Variants in CEP63 observed in about 807,000 individuals in gnomAD.
The protein encoded by CEP63 is centrosomal protein of 63 kDa.
A neutral mutation model predicts 89.1 loss-of-function variants in CEP63; 84 were observed. The ratio of observed to expected loss-of-function variants is 0.94; its 90% CI spans 0.79 to 1.13. CEP63 has a LOEUF of 1.13. Among genes scored for constraint, CEP63 ranks in the 50% most tolerant of loss-of-function variants. CEP63 has a pLI of 0.00. For synonymous variants in CEP63, 267 were observed against 272.5 expected (o/e 0.98, Z 0.20); for missense variants, 838 against 813.3 (o/e 1.03, Z -0.37).
the CEP63 span, among the ~76,000 whole-genome samples, chr3:134,614,683 G>C: frequency 1.3e-5 from 2 of 152,168 alleles, no homozygotes; most frequent in Non-Finnish European, 2.9e-5. Flanking sequence ...AAAAAGATCT[G>C]TGTGTTCCAG....
intron 5 of CEP63, among the ~76,000 whole-genome samples, chr3:134,533,882 T>C (rs1950284305): frequency 1.3e-5 from 2 of 152,210 alleles, no homozygotes; most frequent in African/African-American, 4.8e-5. Flanking sequence ...TTAATATTCC[T>C]TTATATCTCA....
At chr3:134,689,128 C>T in the CEP63 span, among the ~76,000 whole-genome samples, 1 of 151,998 alleles carries the variant, frequency 6.6e-6, no homozygotes, top group African/African-American at 2.4e-5. Flanking sequence ...CTCCTGTTGG[C>T]CTCATTTTCT....
the CEP63 span, among the ~76,000 whole-genome samples, chr3:134,782,280 C>A: frequency 2.0e-5 from 3 of 152,134 alleles, no homozygotes; most frequent in South Asian, 6.2e-4. Context: ...TGGATTAGAA[C>A]CCACTAACAA....
the CEP63 span, chr3:134,607,225 C>T: frequency 1.1e-3 from 1,065 of 985,468 alleles, 10 homozygotes; most frequent in African/African-American, 0.017. Flanking sequence ...AGCAACTTCA[C>T]GCTGTTATTT....
intron 3 of CEP63, among the ~76,000 whole-genome samples, chr3:134,528,192 T>G (rs569617661): frequency 6.6e-6 from 1 of 152,252 alleles, no homozygotes; most frequent in East Asian, 1.9e-4. Context: ...GGTTCCCAGC[T>G]TCCTCCCCCT....
the CEP63 span, among the ~76,000 whole-genome samples, chr3:134,695,820 AGATGGCT>A: frequency 2.0e-4 from 30 of 152,376 alleles, no homozygotes; most frequent in African/African-American, 7.0e-4. Context: ...TTGTGAACAC[AGATGGCT>A]GATAGCTATG....
At chr3:134,534,289 T>G (rs184501849) in intron 5 of CEP63, among the ~76,000 whole-genome samples, 52 of 152,330 alleles carry the variant, frequency 3.4e-4, no homozygotes, top group Middle Eastern at 3.4e-3. Flanking sequence ...ATAGATAGTT[T>G]GATTATCTTT....
At chr3:134,640,934 A>T in the CEP63 span, among the ~76,000 whole-genome samples, 1 of 152,134 alleles carries the variant, frequency 6.6e-6, no homozygotes, top group African/African-American at 2.4e-5. Context: ...AATGGTTTCC[A>T]ATCACACTCA....
the CEP63 span, among the ~76,000 whole-genome samples, chr3:134,772,211 T>C: frequency 1.3e-5 from 2 of 152,170 alleles, no homozygotes; most frequent in Non-Finnish European, 2.9e-5. Context: ...GGCATTATCT[T>C]CTTTTCATGC....
chr3:134,740,465 T>C, the CEP63 span, among the ~76,000 whole-genome samples: 345 of 152,082 alleles, frequency 2.3e-3, 1 homozygote, highest in African/African-American at 7.7e-3. Flanking sequence ...GCCCGGCTAA[T>C]TTTTTGTAAT....
chr3:134,566,942 T>C (rs2110252941), downstream of CEP63, among the ~76,000 whole-genome samples: 1 of 152,294 alleles, frequency 6.6e-6, no homozygotes, highest in South Asian at 2.1e-4. Flanking sequence ...AATGAAAATA[T>C]ATCCACACAA....
downstream of CEP63, among the ~76,000 whole-genome samples, chr3:134,591,317 C>A (rs1431830772): frequency 6.6e-6 from 1 of 152,190 alleles, no homozygotes; most frequent in Non-Finnish European, 1.5e-5. Flanking sequence ...CTCTAGTGAT[C>A]TGAAATTCAT....
chr3:134,759,411 C>T, the CEP63 span, among the ~76,000 whole-genome samples: 1 of 152,220 alleles, frequency 6.6e-6, no homozygotes, highest in Non-Finnish European at 1.5e-5. Flanking sequence ...TTCCTGGCAA[C>T]AGAAACCGTG....
At chr3:134,537,629 C>G (rs760487542) in intron 6 of CEP63, among the ~76,000 whole-genome samples, 2 of 152,180 alleles carry the variant, frequency 1.3e-5, no homozygotes, top group Non-Finnish European at 2.9e-5. Context: ...CTTTGTCGCC[C>G]TCTCTTCCTC....
chr3:134,657,247 A>G, the CEP63 span, among the ~76,000 whole-genome samples: 3 of 152,206 alleles, frequency 2.0e-5, no homozygotes, highest in African/African-American at 7.2e-5. Context: ...CTTATTCACT[A>G]TCAGGAGAAC....
At chr3:134,691,617 CA>C in the CEP63 span, among the ~76,000 whole-genome samples, 28 of 147,936 alleles carry the variant, frequency 1.9e-4, no homozygotes, top group East Asian at 4.0e-4. Flanking sequence ...GATCTTGTCT[CA>C]AAAAAAAAAT....
chr3:134,517,318 T>G (rs1329240919), intron 3 of CEP63, among the ~76,000 whole-genome samples: 1 of 152,160 alleles, frequency 6.6e-6, no homozygotes, highest in Non-Finnish European at 1.5e-5. Flanking sequence ...AAATCCTCTT[T>G]CTGTCTTATC....
At chr3:134,567,940 T>C (rs1957852786), downstream of CEP63, among the ~76,000 whole-genome samples, 1 of 152,244 alleles carries the variant, frequency 6.6e-6, no homozygotes, top group African/African-American at 2.4e-5. Flanking sequence ...TATGAGCATA[T>C]TGAAGTTCTG....
chr3:134,655,915 T>G, the CEP63 span, among the ~76,000 whole-genome samples: 1 of 151,982 alleles, frequency 6.6e-6, no homozygotes, highest in Admixed American at 6.6e-5. Flanking sequence ...GTGGCAGTAG[T>G]AAAAAGTTGG....
Sources: allele counts gnomAD v4.1 joint callset (sites outside exome capture counted in the v4.1 genomes callset), GRCh38; gene constraint gnomAD v4.1.1; transcripts MANE v1.5; gene names NCBI Gene and HGNC (gene_info 2026-07-23, HGNC 2026-07-21).